Variants in C12orf57 observed in about 807,000 individuals in gnomAD.
C12orf57 encodes protein C10.
Under a neutral mutation model 11.3 loss-of-function variants are expected in C12orf57, and 14 were observed. That is an observed-to-expected ratio of 1.24 (90% CI 0.82 to 1.94). The LOEUF is 1.94. Ranked by LOEUF, C12orf57 falls within the 30% of genes most tolerant of loss-of-function variation. The probability of loss-of-function intolerance (pLI) is 0.00; values close to 1 mark genes in which losing one functional copy is unlikely to be tolerated. For synonymous variants in C12orf57, 100 were observed against 74.6 expected (o/e 1.34, Z -1.76); for missense variants, 229 against 172.4 (o/e 1.33, Z -1.84).
upstream of C12orf57, chr12:6,944,004 CTGCGCCGGAT>C: frequency 6.3e-7 from 1 of 1,595,090 alleles, no homozygotes; most frequent in Non-Finnish European, 8.5e-7. Context: ...GCGCTTCCGG[CTGCGCCGGAT>C]GCTGTTTCCT....
At chr12:6,943,908 G>T (rs782673805), upstream of C12orf57, 6 of 1,182,536 alleles carry the variant, frequency 5.1e-6, no homozygotes, top group Non-Finnish European at 6.9e-6. Context: ...ATGATAGATT[G>T]TTTTCACTGT....
upstream of C12orf57, chr12:6,943,441 G>T: frequency 1.8e-6 from 2 of 1,136,074 alleles, no homozygotes; most frequent in Non-Finnish European, 2.3e-6. Context: ...GAAGGGAAGG[G>T]AAATCGGGCC....
At position 6,944,034 on chromosome 12, in the gene C12orf57, C is replaced by T. The variant is rs781938134; in HGVS notation, c.-88C>T. On this transcript the variant is annotated 5_prime_UTR_variant, in exon 1 of 3. Coordinates refer to ENST00000229281, the MANE Select transcript of C12orf57 (RefSeq NM_138425.4). ...CCGGATGCTGTTTCCTTTCCGCTCC[C>T]AGGGGCGTTGGGAACGGTTGTAGGA... The T allele has an allele frequency of 1.4e-4, 218 of 1,610,140 alleles. No individual in the cohort carries two copies. Among genetic ancestry groups the T allele is most frequent in the Admixed American group, 2.5e-4 (15 of 59,972 alleles).
At chr12:6,944,993 G>A (rs1565575453) in intron 2 of C12orf57, 3 of 610,554 alleles carry the variant, frequency 4.9e-6, no homozygotes, top group East Asian at 3.1e-5. Flanking sequence ...TCATATACAC[G>A]CACCTTATGC....
chr12:6,944,053 T>C lies in C12orf57; in HGVS notation c.-69T>C, dbSNP rs782413159. The C allele has an allele frequency of 2.2e-5, 35 of 1,612,540 alleles. No individual in the cohort carries two copies. The highest frequency in any genetic ancestry group is 2.7e-5 in the Non-Finnish European group (32 of 1,179,788). The stretch of plus-strand genomic sequence containing the variant: ...CGCTCCCAGGGGCGTTGGGAACGGT[T>C]GTAGGACGTGGCTCTTTATTCGTGA... On this transcript the variant is annotated 5_prime_UTR_variant, in exon 1 of 3. Coordinates refer to ENST00000229281, the MANE Select transcript of C12orf57 (RefSeq NM_138425.4).
At chr12:6,944,372 A>T in intron 1 of C12orf57, 104 bp from the exon 2 acceptor site, 1 of 1,554,506 alleles carries the variant, frequency 6.4e-7, no homozygotes, top group Non-Finnish European at 8.7e-7. Flanking sequence ...TTATTGGGTT[A>T]CCTACAGCCT....
upstream of C12orf57, chr12:6,943,745 G>C (rs114309358): frequency 5.7e-5 from 68 of 1,201,200 alleles, no homozygotes; most frequent in Non-Finnish European, 6.6e-5. Flanking sequence ...CAAGAAAAAA[G>C]TCACCTAAGC....
chr12:6,943,879 C>A, upstream of C12orf57: 1 of 1,006,154 alleles, frequency 9.9e-7, no homozygotes, highest in African/African-American at 1.6e-5. Flanking sequence ...GAAAGCCCCT[C>A]TTATGATGTT....
rs781853174 is a variant in C12orf57, at chr12:6,945,909, T to A, written c.368T>A (p.Val123Glu). 4.3e-6 allele frequency: 7 copies of A among 1,611,982 alleles called. No individual in the cohort carries two copies. The highest frequency in any genetic ancestry group is 5.9e-6 in the Non-Finnish European group (7 of 1,179,668). Reference sequence around the variant, plus strand: ...CATGGGCCTGCTGCTGGTGGCAGCGTGGCCGCCTCCTGAGAGTTGGCCCTC... The same window carrying A: ...CATGGGCCTGCTGCTGGTGGCAGCGAGGCCGCCTCCTGAGAGTTGGCCCTC... ...PPHGPAAGGSVAAS is the reference protein window; with the variant it reads ...PPHGPAAGGSEAAS The change falls in exon 3 of 3, where the codon GTG becomes GAG. Residue 123 changes from valine (V) to glutamate (E), a missense_variant. Val to Glu is a moderately radical substitution (Grantham distance 121). Coordinates refer to ENST00000229281, the MANE Select transcript of C12orf57 (RefSeq NM_138425.4).
rs782499336 is a variant in C12orf57 at position 6,944,067 on chromosome 12, C to G, written c.-55C>G. 5.0e-6 allele frequency: 8 copies of G among 1,613,336 alleles called. No homozygotes were observed. Among genetic ancestry groups the G allele is most frequent in the Middle Eastern group, 1.6e-4 (1 of 6,084 alleles). ...TTGGGAACGGTTGTAGGACGTGGCT[C>G]TTTATTCGTGAGTTTTCCATTTACC... On this transcript the variant is annotated 5_prime_UTR_variant, in exon 1 of 3. Coordinates refer to ENST00000229281, the MANE Select transcript of C12orf57 (RefSeq NM_138425.4).
Position 6,945,855 on chromosome 12 carries a change from T to C in C12orf57, c.314T>C (p.Leu105Pro). 6.2e-7 allele frequency: 1 copy of C among 1,613,836 alleles called. No individual in the cohort carries two copies. The highest frequency in any genetic ancestry group is 1.7e-5 in the Admixed American group (1 of 59,988). Residue 105 changes from leucine to proline, a missense_variant, in exon 3 of 3, where the codon CTG (leucine) becomes CCG (proline). Coordinates refer to ENST00000229281, the MANE Select transcript of C12orf57 (RefSeq NM_138425.4). ...IASLSGKLKA[L>P]FLPPMTLPPH... Reference sequence around the variant, plus strand: ...AGCCTGTCAGGCAAGCTGAAGGCGCTGTTTCTGCCGCCCATGACCCTGCCA... The same window carrying C: ...AGCCTGTCAGGCAAGCTGAAGGCGCCGTTTCTGCCGCCCATGACCCTGCCA...
chr12:6,945,338 T>C (rs1945774793), intron 2 of C12orf57, among the ~76,000 whole-genome samples: 1 of 152,188 alleles, frequency 6.6e-6, no homozygotes, highest in Non-Finnish European at 1.5e-5. Flanking sequence ...CTGCAGTCTC[T>C]CCAGGGTGTT....
rs1555146552 is a variant in C12orf57, at chr12:6,945,912, C to T, written c.371C>T (p.Ala124Val). The change falls in exon 3 of 3, where the codon GCC becomes GTC. Residue 124 changes from alanine to valine, a missense_variant. By Grantham distance (64) the Ala-to-Val change is moderately conservative. Coordinates refer to ENST00000229281, the MANE Select transcript of C12orf57 (RefSeq NM_138425.4). ...GGGCCTGCTGCTGGTGGCAGCGTGG[C>T]CGCCTCCTGAGAGTTGGCCCTCCCT... ...PHGPAAGGSV[A>V]AS The T allele has an allele frequency of 2.5e-6, 4 of 1,611,400 alleles. No homozygotes were observed. Among genetic ancestry groups the T allele is most frequent in the Non-Finnish European group, 3.4e-6 (4 of 1,179,576 alleles).
At chr12:6,943,938 T>C (rs781819270), upstream of C12orf57, 27 of 1,404,790 alleles carry the variant, frequency 1.9e-5, no homozygotes, top group African/African-American at 4.4e-5. Context: ...ATGGGTAGTT[T>C]TGGTGGTCTT....
chr12:6,945,736 TAGG>T (rs1945788894), intron 2 of C12orf57, 32 bp from the exon 3 acceptor site: 1 of 1,609,802 alleles, frequency 6.2e-7, no homozygotes, highest in Non-Finnish European at 8.5e-7. Context: ...CGCTGGTCCT[TAGG>T]AGAAGGGTTG....
Position 6,945,918 on chromosome 12 carries a change from C to T in C12orf57, c.377C>T (p.Ser126Phe), listed in dbSNP as rs1555146560. ...GPAAGGSVAA[S>F] ...GCTGCTGGTGGCAGCGTGGCCGCCT[C>T]CTGAGAGTTGGCCCTCCCTTGTGCC... Residue 126 changes from serine (S) to phenylalanine (F), a missense_variant, in exon 3 of 3, where the codon TCC becomes TTC. Transcript: ENST00000229281. The T allele has an allele frequency of 6.2e-7, 1 of 1,610,694 alleles. No homozygotes were observed. Among genetic ancestry groups the T allele is most frequent in the Non-Finnish European group, 8.5e-7 (1 of 1,179,558 alleles).
upstream of C12orf57, chr12:6,943,902 T>G (rs112644872): frequency 3.6e-6 from 4 of 1,122,660 alleles, no homozygotes; most frequent in African/African-American, 3.2e-5. Context: ...TTGCCAATGA[T>G]AGATTGTTTT....
At chr12:6,945,238 A>G (rs1945772249) in intron 2 of C12orf57, 1 of 191,068 alleles carries the variant, frequency 5.2e-6, no homozygotes, top group Admixed American at 5.3e-5. Flanking sequence ...TGAGGAAGCA[A>G]ACTCTAATGG....
intron 2 of C12orf57, chr12:6,945,149 T>C: frequency 4.7e-6 from 1 of 214,694 alleles, no homozygotes; most frequent in Non-Finnish European, 9.3e-6. Context: ...ACACTGGCAC[T>C]CATAATTTCA....
Sources: gnomAD v4.1 joint callset for allele counts (sites outside exome capture counted in the v4.1 genomes callset) on GRCh38, gnomAD v4.1.1 for gene constraint, MANE v1.5 for transcripts, NCBI Gene and HGNC (gene_info 2026-07-23, HGNC 2026-07-21) for gene names.